SCN8A: variants seen among roughly 807,000 people sequenced by gnomAD.
SCN8A encodes sodium voltage-gated channel alpha subunit 8, also known as sodium channel protein type 8 subunit alpha.
A neutral mutation model predicts 184.1 loss-of-function variants in SCN8A; 30 were observed. The ratio of observed to expected loss-of-function variants is 0.16; its 90% CI spans 0.12 to 0.22. The LOEUF (loss-of-function observed/expected upper bound fraction) is 0.22. Ranked by LOEUF, SCN8A falls within the 10% of genes least tolerant of loss-of-function variation. The pLI is 1.00. For missense variants in SCN8A, 1,057 were observed against 2,498.9 expected, an observed-to-expected ratio of 0.42 and a Z score of 12.30; for synonymous variants, 852 against 907.0, an observed-to-expected ratio of 0.94 and a Z score of 1.09.
chr12:51,726,803 C>T (rs1454815923), intron 12 of SCN8A, among the ~76,000 whole-genome samples: 1 of 152,054 alleles, frequency 6.6e-6, no homozygotes, highest in Non-Finnish European at 1.5e-5. Context: ...TAAACAGTAC[C>T]GAATTGCTTG....
At chr12:51,696,597 T>C (rs1034141200) in intron 6 of SCN8A, among the ~76,000 whole-genome samples, 10 of 152,216 alleles carry the variant, frequency 6.6e-5, no homozygotes, top group Non-Finnish European at 1.2e-4. Flanking sequence ...AAGAAACATC[T>C]CTGCCTTATT....
intron 6 of SCN8A, among the ~76,000 whole-genome samples, chr12:51,690,556 C>T (rs899556336): frequency 6.6e-6 from 1 of 152,104 alleles, no homozygotes; most frequent in African/African-American, 2.4e-5. Context: ...GACAGGGTCT[C>T]CCTATGTGTT....
At chr12:51,762,723 C>A (rs757797433) in intron 15 of SCN8A, 47 bp downstream of exon 15, 3 of 1,468,934 alleles carry the variant, frequency 2.0e-6, no homozygotes, top group South Asian at 2.7e-5. Context: ...TATCTTGCAG[C>A]TACTAGAAAG....
intron 12 of SCN8A, among the ~76,000 whole-genome samples, chr12:51,730,326 A>C (rs944685818): frequency 3.9e-4 from 59 of 152,150 alleles, no homozygotes; most frequent in African/African-American, 1.3e-3. Context: ...CTTGGACAAA[A>C]ATCAATTGAT....
At chr12:51,634,252 T>G (rs1267704971) in intron 1 of SCN8A, among the ~76,000 whole-genome samples, 1 of 152,220 alleles carries the variant, frequency 6.6e-6, no homozygotes, top group Non-Finnish European at 1.5e-5. Context: ...CAATCTTTAT[T>G]ATATATGGAT....
At chr12:51,771,791 A>C (rs527475668) in intron 19 of SCN8A, among the ~76,000 whole-genome samples, 1 of 152,358 alleles carries the variant, frequency 6.6e-6, no homozygotes, top group South Asian at 2.1e-4. Flanking sequence ...AGAGGCACCC[A>C]AAATGACAGC....
At position 51,733,258 on chromosome 12, in the gene SCN8A, C is replaced by T. The variant is rs1175848950; in HGVS notation, c.1998+11350C>T. 2.0e-5 allele frequency among the ~76,000 whole-genome samples: 3 copies of T among 152,180 alleles called. No individual in the cohort carries two copies. The South Asian group carries it at 6.2e-4, about 32-fold the overall frequency. On this transcript the variant is annotated intron_variant, in intron 12 of 26. Coordinates refer to ENST00000627620, the MANE Select transcript of SCN8A (RefSeq NM_001330260.2). ...TACCTAGTTTTTTGAGGGTTTTTAA[C>T]CACGAAGGGTGTTGAATTTTATAAA...
At chr12:51,596,086 C>T (rs773799730) in intron 1 of SCN8A, among the ~76,000 whole-genome samples, 2 of 152,180 alleles carry the variant, frequency 1.3e-5, no homozygotes, top group Non-Finnish European at 2.9e-5. Flanking sequence ...GAAATGGACT[C>T]AAAGGCTGAG....
chr12:51,735,817 G>T (rs1565904823), intron 12 of SCN8A, among the ~76,000 whole-genome samples: 2 of 152,114 alleles, frequency 1.3e-5, no homozygotes. Context: ...TGTCTTGATG[G>T]TATCCAAATC....
intron 1 of SCN8A, among the ~76,000 whole-genome samples, chr12:51,602,319 G>A (rs913248268): frequency 1.3e-5 from 2 of 152,128 alleles, no homozygotes; most frequent in African/African-American, 4.8e-5. Context: ...TAAAAATAAA[G>A]CAAAGGTAAA....
At chr12:51,753,144 A>T (rs1252350438) in intron 14 of SCN8A, among the ~76,000 whole-genome samples, 1 of 152,166 alleles carries the variant, frequency 6.6e-6, no homozygotes. Flanking sequence ...AACCATCAGT[A>T]AAAAAAGAGG....
intron 11 of SCN8A, 32 bp from the exon 12 acceptor site, chr12:51,721,514 G>A: frequency 6.4e-7 from 1 of 1,558,976 alleles, no homozygotes; most frequent in East Asian, 2.3e-5. Flanking sequence ...TCATTTCCCC[G>A]TCCCTCTCTC....
chr12:51,696,256 C>A (rs1941590961), intron 6 of SCN8A, among the ~76,000 whole-genome samples: 1 of 152,158 alleles, frequency 6.6e-6, no homozygotes, highest in African/African-American at 2.4e-5. Flanking sequence ...AACTGTACAA[C>A]CATTTTTAGT....
intron 12 of SCN8A, among the ~76,000 whole-genome samples, chr12:51,725,979 T>A (rs1032381481): frequency 6.6e-6 from 1 of 152,254 alleles, no homozygotes; most frequent in Non-Finnish European, 1.5e-5. Flanking sequence ...GTGCACGCAC[T>A]GGTCTCACAC....
chr12:51,616,284 A>G (rs1939834616), intron 1 of SCN8A, among the ~76,000 whole-genome samples: 1 of 152,166 alleles, frequency 6.6e-6, no homozygotes, highest in African/African-American at 2.4e-5. Flanking sequence ...TTCACTAGAT[A>G]TACAATTCTG....
intron 3 of SCN8A, among the ~76,000 whole-genome samples, chr12:51,685,881 AC>A (rs1941411038): frequency 6.6e-6 from 1 of 152,202 alleles, no homozygotes; most frequent in South Asian, 2.1e-4. Context: ...TTAAAAAAGA[AC>A]AACAACTATG....
intron 12 of SCN8A, among the ~76,000 whole-genome samples, chr12:51,736,263 A>G (rs1164468931): frequency 1.3e-5 from 2 of 152,208 alleles, no homozygotes; most frequent in African/African-American, 2.4e-5. Flanking sequence ...TCACCACAAA[A>G]CACTGCAAAA....
rs769727012 is a variant in SCN8A at position 51,699,677 on chromosome 12, C to T, written c.814C>T (p.Leu272=). The part of the protein sequence containing the change: ...LSVFALIGLQ[L]FMGNLRNKCV... Reference sequence around the variant, plus strand: ...TGTTTTTGCCTTGATCGGACTGCAGCTGTTCATGGGGAACCTTCGAAACAA... The same window carrying T: ...TGTTTTTGCCTTGATCGGACTGCAGTTGTTCATGGGGAACCTTCGAAACAA... The change falls in exon 7 of 27, where the codon CTG becomes TTG. Residue 272 remains leucine, a synonymous_variant. Transcript: ENST00000627620. 3.5e-5 allele frequency: 56 copies of T among 1,613,972 alleles called. No individual in the cohort carries two copies. Among genetic ancestry groups the T allele is most frequent in the Non-Finnish European group, 4.5e-5 (53 of 1,179,982 alleles).
chr12:51,759,562 A>G (rs1439541798), intron 14 of SCN8A, among the ~76,000 whole-genome samples: 1 of 152,194 alleles, frequency 6.6e-6, no homozygotes, highest in African/African-American at 2.4e-5. Context: ...TTTGGACTGT[A>G]GTTGATGGTA....
Sources: gnomAD v4.1 joint callset for allele counts (sites outside exome capture counted in the v4.1 genomes callset) on GRCh38, gnomAD v4.1.1 for gene constraint, MANE v1.5 for transcripts, NCBI Gene and HGNC (gene_info 2026-07-23, HGNC 2026-07-21) for gene names.